TMEM38A: variants seen among roughly 807,000 people sequenced by gnomAD.
TMEM38A encodes transmembrane protein 38A.
In TMEM38A, 17 loss-of-function variants were observed where a neutral mutation model predicts 28.6. That is an observed-to-expected ratio of 0.60 (90% CI 0.41 to 0.89). The LOEUF is 0.89. Ranked by LOEUF, TMEM38A falls within the 40% of genes least tolerant of loss-of-function variation. The pLI, the probability that TMEM38A is intolerant of heterozygous loss-of-function variation, is 0.00. For synonymous variants in TMEM38A, 169 were observed against 166.1 expected (o/e 1.02, Z -0.14); for missense variants, 328 against 393.1 (o/e 0.83, Z 1.40).
At chr19:16,672,361 A>G (rs943808110) in intron 1 of TMEM38A, among the ~76,000 whole-genome samples, 6 of 151,872 alleles carry the variant, frequency 4.0e-5, no homozygotes, top group Non-Finnish European at 5.9e-5. Context: ...GCCATGTTTG[A>G]TGAAGAATTA....
intron 4 of TMEM38A, among the ~76,000 whole-genome samples, chr19:16,683,864 G>C (rs1480678591): frequency 1.3e-5 from 2 of 152,114 alleles, no homozygotes; most frequent in African/African-American, 4.8e-5. Context: ...CAGCTACTTG[G>C]GAGGCTGAGG....
intron 1 of TMEM38A, among the ~76,000 whole-genome samples, chr19:16,670,420 A>G (rs1319213671): frequency 6.6e-6 from 1 of 151,872 alleles, no homozygotes; most frequent in Non-Finnish European, 1.5e-5. Context: ...GATTACAGGC[A>G]TGAGCTACCG....
At chr19:16,680,250 T>C (rs2086775770) in intron 2 of TMEM38A, 110 bp downstream of exon 2, 2 of 1,497,176 alleles carry the variant, frequency 1.3e-6, no homozygotes, top group East Asian at 2.3e-5. Flanking sequence ...ACAGCCCTCA[T>C]GATGGCCCTG....
In TMEM38A at chr19:16,682,463, G is replaced by A. The variant is rs754662236; in HGVS notation, c.509G>A (p.Arg170Gln). The change falls in exon 4 of 6, where the codon CGA becomes CAA. Residue 170 changes from arginine to glutamine, a missense_variant. Transcript: ENST00000187762. ...ATGTCCAACTTTGAGCAGCTGCTCC[G>A]AGGGGTCTGGAAGCCAGAGACCAAC... Reference protein sequence around the residue: ...ALMSNFEQLLRGVWKPETNEI... With the variant: ...ALMSNFEQLLQGVWKPETNEI... 2.2e-5 allele frequency: 36 copies of A among 1,613,918 alleles called. No homozygotes were observed. The Admixed American group carries it at 3.8e-4, about 17-fold the overall frequency.
At chr19:16,675,390 G>A (rs1279102830) in intron 1 of TMEM38A, among the ~76,000 whole-genome samples, 1 of 151,788 alleles carries the variant, frequency 6.6e-6, no homozygotes, top group Non-Finnish European at 1.5e-5. Flanking sequence ...ATCACGCCCA[G>A]CTAATTTTTA....
intron 1 of TMEM38A, among the ~76,000 whole-genome samples, chr19:16,667,376 A>T (rs1311591718): frequency 6.6e-6 from 1 of 152,164 alleles, no homozygotes; most frequent in Non-Finnish European, 1.5e-5. Flanking sequence ...GATTTGGCTC[A>T]TTTCTGGGGC....
chr19:16,668,452 C>G (rs573113943), intron 1 of TMEM38A, among the ~76,000 whole-genome samples: 2 of 143,932 alleles, frequency 1.4e-5, no homozygotes, highest in East Asian at 4.1e-4. Context: ...GGCTGAGGCA[C>G]GAGAATTGCT....
chr19:16,664,557 C>G (rs1042071784), intron 1 of TMEM38A, among the ~76,000 whole-genome samples: 1 of 152,046 alleles, frequency 6.6e-6, no homozygotes, highest in African/African-American at 2.4e-5. Context: ...TTTGCCAGGC[C>G]GATACAAAGT....
At chr19:16,664,489 C>T (rs1031204472) in intron 1 of TMEM38A, among the ~76,000 whole-genome samples, 5 of 152,076 alleles carry the variant, frequency 3.3e-5, no homozygotes, top group African/African-American at 4.8e-5. Context: ...GTTTGGTGTG[C>T]GTGCTGGGTA....
intron 1 of TMEM38A, among the ~76,000 whole-genome samples, chr19:16,671,269 G>T (rs150418464): frequency 7.1e-6 from 1 of 141,672 alleles, no homozygotes; most frequent in Admixed American, 7.5e-5. Flanking sequence ...GCAGTGGCAC[G>T]ATCTTGGCTC....
rs747244367 is a variant in TMEM38A at position 16,688,268 on chromosome 19, A to G, written c.797A>G (p.His266Arg). 6.2e-7 allele frequency: 1 copy of G among 1,607,584 alleles called. No individual in the cohort carries two copies. Among genetic ancestry groups the G allele is most frequent in the Non-Finnish European group, 8.5e-7 (1 of 1,176,854 alleles). The part of the protein sequence containing the change: ...DHHHDNHGGS[H>R]SGGGPGAQHS... ...CACCACGACAACCATGGTGGGTCCC[A>G]CAGCGGTGGTGGGCCAGGAGCTCAG... Residue 266 changes from histidine (H) to arginine (R), a missense_variant, in exon 6 of 6, where the codon CAC becomes CGC. Transcript: ENST00000187762.
intron 1 of TMEM38A, among the ~76,000 whole-genome samples, chr19:16,672,387 A>G (rs1186073062): frequency 6.6e-6 from 1 of 151,824 alleles, no homozygotes; most frequent in Non-Finnish European, 1.5e-5. Flanking sequence ...GGCCTCACAT[A>G]AAATACACTC....
chr19:16,684,978 G>C (rs1331372001), intron 4 of TMEM38A, among the ~76,000 whole-genome samples: 1 of 151,666 alleles, frequency 6.6e-6, no homozygotes, highest in Non-Finnish European at 1.5e-5. Context: ...GAGCCTCAGA[G>C]TTTGAAGTTA....
chr19:16,687,657 T>C (rs1343798673), intron 5 of TMEM38A, among the ~76,000 whole-genome samples: 1 of 152,122 alleles, frequency 6.6e-6, no homozygotes, highest in Admixed American at 6.6e-5. Flanking sequence ...CACTGTGTCC[T>C]CGCATGGTGG....
At chr19:16,679,502 AGGCTG>A (rs1263547768) in intron 1 of TMEM38A, among the ~76,000 whole-genome samples, 2 of 151,748 alleles carry the variant, frequency 1.3e-5, no homozygotes, top group Admixed American at 6.6e-5. Context: ...CATGTTAGCC[AGGCTG>A]GTCTTGAACT....
intron 1 of TMEM38A, among the ~76,000 whole-genome samples, chr19:16,669,952 A>G (rs961751414): frequency 1.3e-5 from 2 of 151,560 alleles, no homozygotes; most frequent in Non-Finnish European, 2.9e-5. Flanking sequence ...TTGTTTATTT[A>G]TTTATTTATT....
intron 4 of TMEM38A, 23 bp downstream of exon 4, chr19:16,682,531 C>T (rs763064895): frequency 8.1e-6 from 13 of 1,606,156 alleles, no homozygotes; most frequent in African/African-American, 4.0e-5. Flanking sequence ...CTCCACCTCT[C>T]CCTCCATGCC....
chr19:16,684,246 G>A (rs925029078), intron 4 of TMEM38A, among the ~76,000 whole-genome samples: 6 of 152,004 alleles, frequency 3.9e-5, no homozygotes, highest in Non-Finnish European at 7.4e-5. Context: ...AGCTGAGGTA[G>A]GGGGATTGCT....
chr19:16,680,283 T>C, intron 2 of TMEM38A, 114 bp from the exon 3 acceptor site: 1 of 1,482,198 alleles, frequency 6.7e-7, no homozygotes, highest in Non-Finnish European at 9.3e-7. Flanking sequence ...TCCATGCCCA[T>C]CTCTGGTCTA....
Sources: allele counts gnomAD v4.1 joint callset (sites outside exome capture counted in the v4.1 genomes callset), GRCh38; gene constraint gnomAD v4.1.1; transcripts MANE v1.5; gene names NCBI Gene and HGNC (gene_info 2026-07-23, HGNC 2026-07-21).